Variants in MACROD2 observed in about 807,000 individuals in gnomAD.
The protein encoded by MACROD2 is mono-ADP ribosylhydrolase 2.
A neutral mutation model predicts 70.4 loss-of-function variants in MACROD2; 36 were observed. That is an observed-to-expected ratio of 0.51 (90% CI 0.39 to 0.68). The LOEUF is 0.68. MACROD2 is among the 30% of genes least tolerant of loss of function. The probability of loss-of-function intolerance (pLI) is 0.00; values close to 1 mark genes in which losing one functional copy is unlikely to be tolerated. For missense variants in MACROD2, 496 were observed against 538.4 expected (o/e 0.92, Z 0.78); for synonymous variants, 172 against 178.8 (o/e 0.96, Z 0.30).
rs532109870 is a variant in MACROD2, at chr20:15,699,953, C to G, written c.646-162792C>G. On this transcript the variant is annotated intron_variant, in intron 8 of 17. Coordinates refer to ENST00000684519, the MANE Select transcript of MACROD2 (RefSeq NM_001351661.2). ...TTCTGCTGCTTCTTCTACCCTCCCC[C>G]ACACCTTTACTCGACTCACTAACTT... Among the ~76,000 whole-genome samples, 16 of 152,250 alleles carry G rather than the reference C, an allele frequency of 1.1e-4. No individual in the cohort carries two copies. In the East Asian group the frequency reaches 2.5e-3, roughly 24 times the overall value.
At position 15,091,181 on chromosome 20, in the gene MACROD2, T is replaced by C. The variant is rs893011828; in HGVS notation, c.419-138759T>C. Among the ~76,000 whole-genome samples, 8 of 152,176 alleles carry C rather than the reference T, an allele frequency of 5.3e-5. No individual in the cohort carries two copies. In the East Asian group the frequency reaches 9.7e-4, roughly 18 times the overall value. ...TAGTAACACATTCAACATTGACTTA[T>C]CTTCCTTTCCCCACTTTACCATTGC... On this transcript the variant is annotated intron_variant, in intron 5 of 17. Coordinates refer to ENST00000684519, the MANE Select transcript of MACROD2 (RefSeq NM_001351661.2).
At chr20:15,562,088 GACA>G (rs752867403) in intron 8 of MACROD2, among the ~76,000 whole-genome samples, 1 of 152,010 alleles carries the variant, frequency 6.6e-6, no homozygotes, top group Non-Finnish European at 1.5e-5. Context: ...TTTGAGTGTA[GACA>G]ACAACTTATT....
chr20:14,658,824 G>A (rs535038026), intron 4 of MACROD2, among the ~76,000 whole-genome samples: 3 of 152,256 alleles, frequency 2.0e-5, no homozygotes, highest in South Asian at 4.2e-4. Context: ...GTGTTGCCCC[G>A]GCTGGTCTCA....
intron 8 of MACROD2, among the ~76,000 whole-genome samples, chr20:15,752,006 C>T (rs1438696203): frequency 6.6e-6 from 1 of 151,834 alleles, no homozygotes; most frequent in African/African-American, 2.4e-5. Flanking sequence ...CATAAATTCC[C>T]ACAGTTCTAG....
intron 8 of MACROD2, among the ~76,000 whole-genome samples, chr20:15,802,985 A>G (rs76358247): frequency 0.024 from 3,581 of 152,198 alleles, 81 homozygotes; most frequent in Non-Finnish European, 0.029. Context: ...AGAAAACCTG[A>G]ACAATAATGA....
At chr20:15,648,985 C>T (rs2049595932) in intron 8 of MACROD2, among the ~76,000 whole-genome samples, 2 of 151,942 alleles carry the variant, frequency 1.3e-5, no homozygotes, top group African/African-American at 4.8e-5. Context: ...AGTAGAACAG[C>T]CTCAGAATAG....
chr20:15,895,922 G>A (rs1249539946), intron 10 of MACROD2, among the ~76,000 whole-genome samples: 2 of 152,124 alleles, frequency 1.3e-5, no homozygotes, highest in Non-Finnish European at 1.5e-5. Context: ...CCACACATAC[G>A]GCACTTATTA....
intron 5 of MACROD2, among the ~76,000 whole-genome samples, chr20:14,916,729 A>T (rs1383770108): frequency 6.6e-6 from 1 of 152,150 alleles, no homozygotes; most frequent in Non-Finnish European, 1.5e-5. Context: ...TTTTCTGTGC[A>T]TTTGAAAGCA....
At chr20:14,708,761 G>C (rs2071301390) in intron 5 of MACROD2, among the ~76,000 whole-genome samples, 1 of 152,060 alleles carries the variant, frequency 6.6e-6, no homozygotes, top group South Asian at 2.1e-4. Flanking sequence ...GGGATTACAG[G>C]TGCCCGCCAC....
At chr20:14,780,941 A>G (rs1420447587) in intron 5 of MACROD2, among the ~76,000 whole-genome samples, 2 of 152,114 alleles carry the variant, frequency 1.3e-5, no homozygotes, top group Non-Finnish European at 2.9e-5. Flanking sequence ...TAGTAATTTT[A>G]TTTAAGGGGC....
chr20:14,780,266 TA>T (rs1189038641), intron 5 of MACROD2, among the ~76,000 whole-genome samples: 1 of 151,038 alleles, frequency 6.6e-6, no homozygotes, highest in African/African-American at 2.5e-5. Context: ...AAAGTGCTCT[TA>T]AAAGTGAAAA....
At chr20:15,932,061 A>C (rs941579050) in intron 10 of MACROD2, among the ~76,000 whole-genome samples, 3 of 152,130 alleles carry the variant, frequency 2.0e-5, no homozygotes, top group African/African-American at 7.2e-5. Flanking sequence ...GAATTTTTAA[A>C]GGGCTCAGCT....
intron 6 of MACROD2, among the ~76,000 whole-genome samples, chr20:15,339,877 C>G (rs1250708618): frequency 6.6e-6 from 1 of 151,394 alleles, no homozygotes; most frequent in East Asian, 1.9e-4. Context: ...CCTGTAATAT[C>G]TTTTCCATTG....
intron 3 of MACROD2, among the ~76,000 whole-genome samples, chr20:14,182,430 CTT>C (rs1164719709): frequency 1.3e-5 from 2 of 151,840 alleles, no homozygotes; most frequent in Admixed American, 1.3e-4. Flanking sequence ...TTTGGGTTGT[CTT>C]TTCACTTTCT....
intron 8 of MACROD2, among the ~76,000 whole-genome samples, chr20:15,688,096 G>A (rs16996387): frequency 0.043 from 6,497 of 152,196 alleles, 280 homozygotes; most frequent in East Asian, 0.21. Flanking sequence ...CAAGCAAAAA[G>A]TAATGAATTA....
At chr20:15,138,554 G>T (rs1352805009) in intron 5 of MACROD2, among the ~76,000 whole-genome samples, 1 of 152,068 alleles carries the variant, frequency 6.6e-6, no homozygotes, top group African/African-American at 2.4e-5. Flanking sequence ...AGCTAGATTG[G>T]TCTAAAAGAA....
At chr20:15,521,176 A>G (rs953522959) in intron 8 of MACROD2, among the ~76,000 whole-genome samples, 2 of 152,212 alleles carry the variant, frequency 1.3e-5, no homozygotes, top group African/African-American at 4.8e-5. Context: ...TTGAAGCACG[A>G]GGTGAAGAAT....
At chr20:16,009,841 C>T (rs74906365) in intron 15 of MACROD2, among the ~76,000 whole-genome samples, 127 of 152,192 alleles carry the variant, frequency 8.3e-4, no homozygotes, top group African/African-American at 2.1e-3. Context: ...TTCTTTCTGC[C>T]GCCCATCCTA....
chr20:15,781,340 G>A, intron 8 of MACROD2, among the ~76,000 whole-genome samples: 1 of 152,190 alleles, frequency 6.6e-6, no homozygotes, highest in East Asian at 1.9e-4. Flanking sequence ...TGGTTTCAGT[G>A]GCCTTCTATG....
Sources: gnomAD v4.1 joint callset for allele counts (sites outside exome capture counted in the v4.1 genomes callset) on GRCh38, gnomAD v4.1.1 for gene constraint, MANE v1.5 for transcripts, NCBI Gene and HGNC (gene_info 2026-07-23, HGNC 2026-07-21) for gene names.